HCN1: variants seen among roughly 807,000 people sequenced by gnomAD.
The protein encoded by HCN1 is potassium/sodium hyperpolarization-activated cyclic nucleotide-gated channel 1.
In HCN1, 13 loss-of-function variants were observed where a neutral mutation model predicts 78.9. The observed-to-expected ratio is 0.16, with a 90% CI of 0.11 to 0.26. HCN1 has a LOEUF of 0.26. HCN1 is among the 10% of genes least tolerant of loss of function. The pLI, the probability that HCN1 is intolerant of heterozygous loss-of-function variation, is 1.00. For synonymous variants in HCN1, 552 were observed against 455.5 expected, an observed-to-expected ratio of 1.21 and a Z score of -2.70; for missense variants, 810 against 1,154.3, an observed-to-expected ratio of 0.70 and a Z score of 4.32.
chr5:45,396,728 A>C lies in HCN1; in HGVS notation c.1012-18T>G. ...GAATCATTCTGCAACATAAGATAAA[A>C]AGAAAATTGACTGAGCCATTAGGAT... On this transcript the variant is annotated intron_variant, in intron 3 of 7. Coordinates refer to ENST00000303230, the MANE Select transcript of HCN1 (RefSeq NM_021072.4). The C allele has an allele frequency of 6.2e-7, 1 of 1,600,782 alleles. No homozygotes were observed. The highest frequency in any genetic ancestry group is 8.6e-7 in the Non-Finnish European group (1 of 1,168,194).
intron 6 of HCN1, among the ~76,000 whole-genome samples, chr5:45,288,358 A>G (rs931188573): frequency 2.0e-5 from 3 of 152,084 alleles, no homozygotes; most frequent in Non-Finnish European, 4.4e-5. Context: ...ACTGTGAACT[A>G]GAATAGGCAA....
intron 6 of HCN1, among the ~76,000 whole-genome samples, chr5:45,297,175 G>A (rs913516404): frequency 6.6e-6 from 1 of 152,182 alleles, no homozygotes; most frequent in Non-Finnish European, 1.5e-5. Flanking sequence ...TATGGGAAAC[G>A]AAGAGATGGG....
chr5:45,321,158 A>G (rs1746118521), intron 5 of HCN1, among the ~76,000 whole-genome samples: 1 of 151,584 alleles, frequency 6.6e-6, no homozygotes, highest in Non-Finnish European at 1.5e-5. Flanking sequence ...GTATCTCTGG[A>G]TCTCCCTACA....
At chr5:45,358,188 A>G (rs938058823) in intron 4 of HCN1, among the ~76,000 whole-genome samples, 3 of 152,132 alleles carry the variant, frequency 2.0e-5, no homozygotes, top group African/African-American at 7.2e-5. Context: ...AATGGAAAAT[A>G]GAAGTGGCAA....
At chr5:45,631,742 G>T (rs1464753732) in intron 2 of HCN1, among the ~76,000 whole-genome samples, 2 of 152,040 alleles carry the variant, frequency 1.3e-5, no homozygotes, top group East Asian at 3.9e-4. Context: ...TTCTTTGCAT[G>T]ACAGAGCTAT....
At chr5:45,280,454 C>T (rs1745134525) in intron 6 of HCN1, among the ~76,000 whole-genome samples, 1 of 152,178 alleles carries the variant, frequency 6.6e-6, no homozygotes, top group Non-Finnish European at 1.5e-5. Flanking sequence ...TCAACCTCAG[C>T]CCTACTGACA....
chr5:45,490,117 C>T (rs1227195034), intron 2 of HCN1, among the ~76,000 whole-genome samples: 1 of 152,118 alleles, frequency 6.6e-6, no homozygotes, highest in Non-Finnish European at 1.5e-5. Flanking sequence ...AAGAAAATTT[C>T]AAACACAGGG....
intron 2 of HCN1, among the ~76,000 whole-genome samples, chr5:45,603,351 A>AT: frequency 6.6e-6 from 1 of 152,168 alleles, no homozygotes; most frequent in South Asian, 2.1e-4. Context: ...CACTTCTCTG[A>AT]ATAAATCACA....
chr5:45,376,236 CT>C, intron 4 of HCN1, among the ~76,000 whole-genome samples: 2 of 27,958 alleles, frequency 7.2e-5, no homozygotes, highest in African/African-American at 2.7e-4. Context: ...AATATATATT[CT>C]ATATATTCTA....
chr5:45,362,078 A>T (rs12516996), intron 4 of HCN1, among the ~76,000 whole-genome samples: 8,653 of 152,076 alleles, frequency 0.057, 366 homozygotes, highest in East Asian at 0.13. Context: ...GTGCTTGAAT[A>T]TTTTTAAAAT....
intron 2 of HCN1, among the ~76,000 whole-genome samples, chr5:45,616,487 T>C (rs1477325319): frequency 6.6e-6 from 1 of 152,054 alleles, no homozygotes. Flanking sequence ...AATAGTTTAT[T>C]CTATTTAATC....
At chr5:45,634,257 A>T (rs1361284738) in intron 2 of HCN1, among the ~76,000 whole-genome samples, 1 of 151,858 alleles carries the variant, frequency 6.6e-6, no homozygotes, top group Non-Finnish European at 1.5e-5. Context: ...ATAAAGAATT[A>T]CTCTCAGCTA....
At chr5:45,291,375 C>T (rs568498941) in intron 6 of HCN1, among the ~76,000 whole-genome samples, 1 of 151,974 alleles carries the variant, frequency 6.6e-6, no homozygotes, top group Admixed American at 6.6e-5. Context: ...CCACACCGAG[C>T]TCATCTTTTA....
intron 4 of HCN1, among the ~76,000 whole-genome samples, chr5:45,353,800 C>T (rs1420905786): frequency 1.3e-5 from 2 of 151,884 alleles, no homozygotes; most frequent in African/African-American, 4.8e-5. Context: ...GAGACTATGG[C>T]AGGCTTCCAA....
At position 45,576,574 on chromosome 5, in the gene HCN1, C is replaced by A. The variant is rs796354548; in HGVS notation, c.849+68611G>T. ...AGCAGTCATCAACATCAAAGCAAGA[C>A]CTCCCACCAGCAAAAAGTATCACTA... is the stretch of plus-strand genomic sequence containing the variant. On this transcript the variant is annotated intron_variant, in intron 2 of 7. Coordinates refer to ENST00000303230, the MANE Select transcript of HCN1 (RefSeq NM_021072.4). 8.5e-5 allele frequency: 13 copies of A among 152,160 alleles called. 1 individual carries two copies. Among genetic ancestry groups the A allele is most frequent in the African/African-American group, 3.1e-4 (13 of 41,536 alleles). The allele number at this position is 152,160 out of a possible 1,614,324, so 9.4% of individuals were successfully genotyped here. A position where few individuals can be genotyped will look rare whatever the true frequency, so the allele number is the denominator to read the frequency against.
In HCN1 at chr5:45,632,525, T is replaced by C. The variant is rs187734266; in HGVS notation, c.849+12660A>G. The stretch of plus-strand genomic sequence containing the variant: ...TTGGAACACAGAGACAGGAATTGAT[T>C]TCCTAAGAGTACGAATTACAGCTGG... On this transcript the variant is annotated intron_variant, in intron 2 of 7. Coordinates refer to ENST00000303230, the MANE Select transcript of HCN1 (RefSeq NM_021072.4). Among the ~76,000 whole-genome samples the C allele has an allele frequency of 1.3e-4, 20 of 152,142 alleles. No individual in the cohort carries two copies. The East Asian group carries it at 2.1e-3, about 16-fold the overall frequency.
intron 2 of HCN1, among the ~76,000 whole-genome samples, chr5:45,614,712 G>C (rs527265442): frequency 6.6e-6 from 1 of 152,052 alleles, no homozygotes; most frequent in South Asian, 2.1e-4. Flanking sequence ...TAAATGAGCT[G>C]CATGAAAACA....
rs554274040 is a variant in HCN1, at chr5:45,547,258, T to C, written c.850-85251A>G. 9.2e-5 allele frequency among the ~76,000 whole-genome samples: 14 copies of C among 152,034 alleles called. No individual in the cohort carries two copies. In the South Asian group the frequency reaches 2.7e-3, roughly 29 times the overall value. On this transcript the variant is annotated intron_variant, in intron 2 of 7. Transcript: ENST00000303230. ...AAGTAAAGAAAAGGAGGCTAACTCA[T>C]ACATTTCTGGATTGAGCAATGAAAG... is the stretch of plus-strand genomic sequence containing the variant.
chr5:45,666,100 T>C (rs1746043522), intron 1 of HCN1, among the ~76,000 whole-genome samples: 1 of 152,108 alleles, frequency 6.6e-6, no homozygotes, highest in Non-Finnish European at 1.5e-5. Context: ...ACAGTCATTG[T>C]ACTCTTTCTG....
Sources: allele counts gnomAD v4.1 joint callset (sites outside exome capture counted in the v4.1 genomes callset), GRCh38; gene constraint gnomAD v4.1.1; transcripts MANE v1.5; gene names NCBI Gene and HGNC (gene_info 2026-07-23, HGNC 2026-07-21).